Variants in PRELID2 observed in about 807,000 individuals in gnomAD.
The protein encoded by PRELID2 is PRELI domain containing 2.
In PRELID2, 25 loss-of-function variants were observed where a neutral mutation model predicts 28.4. That is an observed-to-expected ratio of 0.88 (90% confidence interval 0.64 to 1.23). PRELID2 has a LOEUF of 1.23. Among genes scored for constraint, PRELID2 ranks in the 50% most tolerant of loss-of-function variants. The pLI is 0.00. For missense variants in PRELID2, 201 were observed against 214.4 expected (o/e 0.94, Z 0.39); for synonymous variants, 76 against 71.6 (o/e 1.06, Z -0.31).
intron 1 of PRELID2, among the ~76,000 whole-genome samples, chr5:145,710,800 G>A (rs772495895): frequency 6.6e-6 from 1 of 152,212 alleles, no homozygotes; most frequent in East Asian, 1.9e-4. Context: ...GTTCTTTACA[G>A]AGGTTTCCCA....
chr5:145,603,677 A>G (rs1753451691), intron 1 of PRELID2, among the ~76,000 whole-genome samples: 1 of 152,176 alleles, frequency 6.6e-6, no homozygotes, highest in Admixed American at 6.6e-5. Context: ...TGACTTTTAA[A>G]AATAATAATA....
the PRELID2 span, among the ~76,000 whole-genome samples, chr5:145,299,382 A>G: frequency 6.6e-6 from 1 of 152,020 alleles, no homozygotes; most frequent in Admixed American, 6.6e-5. Context: ...AATTGCTATT[A>G]CTCTAATTGT....
chr5:145,591,668 A>G (rs2149631381), intron 1 of PRELID2, among the ~76,000 whole-genome samples: 1 of 152,288 alleles, frequency 6.6e-6, no homozygotes, highest in South Asian at 2.1e-4. Flanking sequence ...AATATCCCAC[A>G]CTAAATCAAA....
the PRELID2 span, among the ~76,000 whole-genome samples, chr5:145,282,680 C>A: frequency 6.6e-6 from 1 of 151,864 alleles, no homozygotes; most frequent in African/African-American, 2.4e-5. Flanking sequence ...CCAACATGCC[C>A]GGCTAATTTT....
chr5:145,826,963 C>T (rs906570785), intron 1 of PRELID2, among the ~76,000 whole-genome samples: 1 of 152,120 alleles, frequency 6.6e-6, no homozygotes, highest in Non-Finnish European at 1.5e-5. Flanking sequence ...ATAACATTTG[C>T]TTCCCCTCTC....
At position 145,496,734 on chromosome 5, in the gene PRELID2, G is replaced by A. The variant is rs193095943; in HGVS notation, n.71-23419C>T. On this transcript the variant is annotated intron_variant and non_coding_transcript_variant, in intron 1 of 2. Transcript: ENST00000510259. The stretch of plus-strand genomic sequence containing the variant: ...CTCCTTCCTTTCTCCTTTCACAAGT[G>A]CCAAACCTACCTCGTGGTCTGAAAG... Among the ~76,000 whole-genome samples the A allele has an allele frequency of 5.1e-4, 77 of 152,224 alleles. 1 individual carries two copies. The highest frequency in any genetic ancestry group is 3.4e-3 in the Middle Eastern group (1 of 294).
intron 1 of PRELID2, among the ~76,000 whole-genome samples, chr5:145,640,610 C>T (rs1383872313): frequency 6.7e-6 from 1 of 150,026 alleles, no homozygotes; most frequent in Non-Finnish European, 1.5e-5. Context: ...CGCCACTGCA[C>T]CCCAGCCTGG....
the PRELID2 span, among the ~76,000 whole-genome samples, chr5:145,371,821 G>A: frequency 1.2e-4 from 18 of 146,860 alleles, no homozygotes; most frequent in Non-Finnish European, 2.1e-4. Flanking sequence ...ATTTTTTATT[G>A]TGTCTATTTG....
chr5:145,340,773 A>ATATATATATG, the PRELID2 span, among the ~76,000 whole-genome samples: 1 of 68,956 alleles, frequency 1.5e-5, no homozygotes, highest in Admixed American at 1.3e-4. Flanking sequence ...AAATATACAT[A>ATATATATATG]TATATATATA....
chr5:145,646,133 A>T (rs1311500871), intron 1 of PRELID2, among the ~76,000 whole-genome samples: 1 of 152,162 alleles, frequency 6.6e-6, no homozygotes, highest in Non-Finnish European at 1.5e-5. Flanking sequence ...GCATTTTCCA[A>T]CTTGGTTCCA....
the PRELID2 span, among the ~76,000 whole-genome samples, chr5:145,235,225 T>C: frequency 1.3e-5 from 2 of 151,890 alleles, no homozygotes; most frequent in African/African-American, 4.8e-5. Context: ...CTCTTCAGAG[T>C]ATAGAAAGGA....
At chr5:145,358,389 A>G in the PRELID2 span, among the ~76,000 whole-genome samples, 315 of 152,016 alleles carry the variant, frequency 2.1e-3, 3 homozygotes, top group African/African-American at 7.2e-3. Context: ...CCATTGTCCC[A>G]CCTTGCTGCC....
chr5:145,749,913 A>G (rs1353096697), intron 1 of PRELID2, among the ~76,000 whole-genome samples: 1 of 152,040 alleles, frequency 6.6e-6, no homozygotes, highest in African/African-American at 2.4e-5. Context: ...GAGTTGAACA[A>G]TGAGAACACA....
At chr5:145,814,121 T>C (rs1001323882) in intron 4 of PRELID2, among the ~76,000 whole-genome samples, 16 of 152,326 alleles carry the variant, frequency 1.1e-4, no homozygotes, top group Admixed American at 7.8e-4. Flanking sequence ...AGAATGACTA[T>C]TTTAAAATAA....
At chr5:145,447,154 T>A in the PRELID2 span, among the ~76,000 whole-genome samples, 1 of 151,854 alleles carries the variant, frequency 6.6e-6, no homozygotes, top group Non-Finnish European at 1.5e-5. Context: ...TAATTTCAGA[T>A]GCTTGTTGGT....
At chr5:145,781,800 C>A (rs1751649836) in intron 5 of PRELID2, among the ~76,000 whole-genome samples, 1 of 147,940 alleles carries the variant, frequency 6.8e-6, no homozygotes. Flanking sequence ...TACACACATA[C>A]AAATACACAA....
chr5:145,425,677 T>G, the PRELID2 span, among the ~76,000 whole-genome samples: 2 of 152,094 alleles, frequency 1.3e-5, no homozygotes, highest in African/African-American at 2.4e-5. Context: ...CCACCTCATA[T>G]TCTCACTTAT....
chr5:145,475,559 T>C (rs913223769), intron 1 of PRELID2, among the ~76,000 whole-genome samples: 5 of 152,150 alleles, frequency 3.3e-5, no homozygotes, highest in African/African-American at 1.2e-4. Context: ...TGCAAGGAAA[T>C]ACAAAATTTA....
At chr5:145,423,483 ATTTCATC>A in the PRELID2 span, among the ~76,000 whole-genome samples, 1 of 151,440 alleles carries the variant, frequency 6.6e-6, no homozygotes, top group East Asian at 1.9e-4. Context: ...CATTTCATTC[ATTTCATC>A]TTCCATCACT....
Sources: gnomAD v4.1 joint callset for allele counts (sites outside exome capture counted in the v4.1 genomes callset) on GRCh38, gnomAD v4.1.1 for gene constraint, MANE v1.5 for transcripts, NCBI Gene and HGNC (gene_info 2026-07-23, HGNC 2026-07-21) for gene names.